Variants in NEDD4 observed in about 807,000 individuals in gnomAD.
The protein encoded by NEDD4 is NEDD4 E3 ubiquitin protein ligase.
A neutral mutation model predicts 144.9 loss-of-function variants in NEDD4; 99 were observed. That is an observed-to-expected ratio of 0.68 (90% CI 0.58 to 0.81). The LOEUF is 0.81. NEDD4 is among the 30% of genes least tolerant of loss of function. NEDD4 has a pLI of 0.00. For synonymous variants in NEDD4, 318 were observed against 350.6 expected (o/e 0.91, Z 1.04); for missense variants, 985 against 1,065.9 (o/e 0.92, Z 1.06).
intron 5 of NEDD4, 52 bp from the exon 6 acceptor site, chr15:55,874,060 G>C: frequency 9.3e-7 from 1 of 1,076,918 alleles, no homozygotes; most frequent in Non-Finnish European, 1.4e-6. Flanking sequence ...AATTCCTTTA[G>C]AAGAGTTTGA....
intron 5 of NEDD4, chr15:55,917,184 C>G (rs1414623273): frequency 9.8e-7 from 1 of 1,017,148 alleles, no homozygotes; most frequent in Non-Finnish European, 1.2e-6. Flanking sequence ...CTCCAATTTG[C>G]ATGAATGAGT....
In NEDD4 at chr15:55,831,030, T is replaced by C. The variant is rs1257004508; in HGVS notation, c.2528-444A>G. 5.3e-5 allele frequency among the ~76,000 whole-genome samples: 8 copies of C among 152,096 alleles called. No homozygotes were observed. In the East Asian group the frequency reaches 1.5e-3, roughly 29 times the overall value. On this transcript the variant is annotated intron_variant, in intron 27 of 28. Coordinates refer to ENST00000435532, the MANE Select transcript of NEDD4 (RefSeq NM_006154.4). ...GGCTCCTGGGTTCAAATGATTCTCA[T>C]GCCTCAGCCCTCCCAAGAAGCTGAG...
chr15:55,905,891 G>A (rs1192446240), intron 5 of NEDD4, among the ~76,000 whole-genome samples: 1 of 152,134 alleles, frequency 6.6e-6, no homozygotes, highest in African/African-American at 2.4e-5. Context: ...GATCCCATTT[G>A]TCAATTTTGG....
intron 1 of NEDD4, among the ~76,000 whole-genome samples, chr15:55,980,151 T>G (rs1404403150): frequency 1.3e-5 from 2 of 152,162 alleles, no homozygotes; most frequent in Admixed American, 1.3e-4. Flanking sequence ...AGGCTGATCT[T>G]GAACGCCTGA....
Position 55,951,371 on chromosome 15 carries a change from C to T in NEDD4, c.237+5G>A. The T allele has an allele frequency of 1.1e-6, 1 of 918,784 alleles. No homozygotes were observed. The highest frequency in any genetic ancestry group is 1.6e-6 in the Non-Finnish European group (1 of 613,946). The allele number at this position is 918,784 out of a possible 1,614,324, so 56.9% of individuals were successfully genotyped here. A position where few individuals can be genotyped will look rare whatever the true frequency, so the allele number is the denominator to read the frequency against. ...CCACTTTAGTAAAATAAAATATATA[C>T]TTACTCTGAATAATATTTCTTCATT... On this transcript the variant is annotated splice_donor_5th_base_variant and intron_variant, in intron 4 of 28. Coordinates refer to ENST00000435532, the MANE Select transcript of NEDD4 (RefSeq NM_006154.4).
chr15:55,941,211 T>C (rs1209120612), intron 4 of NEDD4, among the ~76,000 whole-genome samples: 1 of 152,184 alleles, frequency 6.6e-6, no homozygotes, highest in Non-Finnish European at 1.5e-5. Flanking sequence ...TCTCTACTTT[T>C]TGTCCATTTT....
At chr15:55,901,015 A>C (rs2035898550) in intron 5 of NEDD4, among the ~76,000 whole-genome samples, 1 of 152,194 alleles carries the variant, frequency 6.6e-6, no homozygotes, top group Non-Finnish European at 1.5e-5. Flanking sequence ...AACTCATTTA[A>C]ATAAAAAGAA....
At chr15:55,947,301 C>T (rs548943561) in intron 4 of NEDD4, among the ~76,000 whole-genome samples, 10 of 151,322 alleles carry the variant, frequency 6.6e-5, no homozygotes, top group South Asian at 4.2e-4. Flanking sequence ...ATCAAATAGA[C>T]GCAATAAAAA....
intron 5 of NEDD4, among the ~76,000 whole-genome samples, chr15:55,898,339 T>C (rs1219342961): frequency 6.6e-6 from 1 of 152,188 alleles, no homozygotes; most frequent in Admixed American, 6.5e-5. Context: ...CTGAACTTCA[T>C]ATTCAATTTT....
chr15:55,965,665 T>C (rs186071829), intron 2 of NEDD4, among the ~76,000 whole-genome samples: 30 of 151,712 alleles, frequency 2.0e-4, no homozygotes, highest in African/African-American at 7.3e-4. Flanking sequence ...TATGTATGTA[T>C]GTATGTATGT....
intron 1 of NEDD4, among the ~76,000 whole-genome samples, chr15:55,981,643 C>A (rs1226413553): frequency 1.3e-5 from 2 of 152,110 alleles, no homozygotes; most frequent in African/African-American, 4.8e-5. Context: ...GAAGAAATAT[C>A]CAGAATCCTT....
chr15:55,927,478 G>C (rs542582535), intron 4 of NEDD4, among the ~76,000 whole-genome samples: 4 of 152,036 alleles, frequency 2.6e-5, no homozygotes, highest in Admixed American at 2.6e-4. Flanking sequence ...AAAAATTTTT[G>C]CAGAGACAAG....
At chr15:55,922,281 T>C (rs1274746479) in intron 5 of NEDD4, among the ~76,000 whole-genome samples, 1 of 152,172 alleles carries the variant, frequency 6.6e-6, no homozygotes, top group African/African-American at 2.4e-5. Context: ...AAATATAATG[T>C]TAAGCAAAAA....
chr15:55,836,265 A>G (rs149457308), intron 24 of NEDD4, among the ~76,000 whole-genome samples: 93 of 151,914 alleles, frequency 6.1e-4, no homozygotes, highest in African/African-American at 2.1e-3. Flanking sequence ...AACAGGACCT[A>G]TGTCTTTTGG....
At chr15:55,868,646 G>A (rs1443291289) in intron 8 of NEDD4, among the ~76,000 whole-genome samples, 2 of 152,120 alleles carry the variant, frequency 1.3e-5, no homozygotes, top group Non-Finnish European at 2.9e-5. Flanking sequence ...CCCCAGCCAT[G>A]TGGAACTGAG....
chr15:55,852,576 A>T lies in NEDD4; in HGVS notation c.1027-33T>A, dbSNP rs146116364. ...GAAGAATAACAGAAGAATTAAATAC[A>T]TCAAGTTTAAGAATCCTTCTATCAC... On this transcript the variant is annotated intron_variant, in intron 12 of 28. Transcript: ENST00000435532. The T allele has an allele frequency of 3.1e-6, 5 of 1,604,606 alleles. No individual in the cohort carries two copies. The East Asian group carries it at 1.1e-4, about 36-fold the overall frequency.
At chr15:55,978,977 CT>C (rs1336390137) in intron 1 of NEDD4, among the ~76,000 whole-genome samples, 1 of 149,566 alleles carries the variant, frequency 6.7e-6, no homozygotes, top group Non-Finnish European at 1.5e-5. Flanking sequence ...CTTTCCATTT[CT>C]CACAAGTCTT....
intron 5 of NEDD4, among the ~76,000 whole-genome samples, chr15:55,905,940 T>A (rs2142172622): frequency 6.6e-6 from 1 of 152,328 alleles, no homozygotes; most frequent in African/African-American, 2.4e-5. Flanking sequence ...AGACATGAAG[T>A]CCTTGCCCAT....
At chr15:55,888,832 G>T (rs1220397208) in intron 5 of NEDD4, among the ~76,000 whole-genome samples, 1 of 152,062 alleles carries the variant, frequency 6.6e-6, no homozygotes, top group Admixed American at 6.6e-5. Context: ...TAAAGGTGCC[G>T]AGAACATACA....
Sources: gnomAD v4.1 joint callset for allele counts (sites outside exome capture counted in the v4.1 genomes callset) on GRCh38, gnomAD v4.1.1 for gene constraint, MANE v1.5 for transcripts, NCBI Gene and HGNC (gene_info 2026-07-23, HGNC 2026-07-21) for gene names.